The following WDPCP variants were observed in gnomAD, a reference collection of about 807,000 sequenced individuals.
WDPCP encodes WD repeat containing planar cell polarity effector.
In WDPCP, 71 loss-of-function variants were observed where a neutral mutation model predicts 93.1. The ratio of observed to expected loss-of-function variants is 0.76; its 90% CI spans 0.63 to 0.93. WDPCP has a LOEUF of 0.93. Ranked by LOEUF, WDPCP falls within the 40% of genes least tolerant of loss-of-function variation. The pLI, the probability that WDPCP is intolerant of heterozygous loss-of-function variation, is 0.00. For missense variants in WDPCP, 844 were observed against 887.4 expected (o/e 0.95, Z 0.62); for synonymous variants, 315 against 315.0 (o/e 1.00, Z 0.00).
chr2:63,619,193 C>T (rs183015715), intron 3 of WDPCP, among the ~76,000 whole-genome samples: 36 of 152,222 alleles, frequency 2.4e-4, no homozygotes, highest in Admixed American at 1.5e-3. Context: ...TTAGGGAGCA[C>T]GCAAAAATAG....
chr2:63,485,755 C>A (rs546014161), intron 4 of WDPCP, among the ~76,000 whole-genome samples: 2 of 151,734 alleles, frequency 1.3e-5, no homozygotes, highest in East Asian at 1.9e-4. Context: ...TCTTTGGATT[C>A]TCCTCATTAA....
At chr2:63,286,208 C>G (rs1683989404) in intron 13 of WDPCP, among the ~76,000 whole-genome samples, 1 of 152,138 alleles carries the variant, frequency 6.6e-6, no homozygotes, top group Non-Finnish European at 1.5e-5. Context: ...TCTGGATTGT[C>G]AGGCCTCTGA....
rs573544689 is a variant in WDPCP, at chr2:63,374,339, T to G, written c.1748+4047A>C. Among the ~76,000 whole-genome samples the G allele has an allele frequency of 9.1e-4, 139 of 152,266 alleles. 3 individuals are homozygous for G. The South Asian group carries it at 0.028, about 31-fold the overall frequency. The stretch of plus-strand genomic sequence containing the variant: ...AGCATCCTTATCATTTCAGCCTGTT[T>G]CCCTTACTTTACTGCCAGCTCAACC... On this transcript the variant is annotated intron_variant, in intron 12 of 17. Transcript: ENST00000272321.
At chr2:63,229,671 C>T (rs1678646009) in intron 14 of WDPCP, 1 of 151,776 alleles carries the variant, frequency 6.6e-6, no homozygotes. Context: ...GTTTTCCCAG[C>T]ACCATTTATT....
intron 13 of WDPCP, among the ~76,000 whole-genome samples, chr2:63,301,921 T>C (rs186533157): frequency 2.0e-5 from 3 of 152,306 alleles, no homozygotes; most frequent in African/African-American, 7.2e-5. Flanking sequence ...TCATTTTCTT[T>C]TGCACAAGGG....
At chr2:63,339,115 G>C (rs1020669161) in intron 12 of WDPCP, among the ~76,000 whole-genome samples, 3 of 151,808 alleles carry the variant, frequency 2.0e-5, no homozygotes, top group African/African-American at 7.3e-5. Context: ...TTGACTCCTA[G>C]GTACTTAATT....
At chr2:63,834,413 G>C in the WDPCP span, among the ~76,000 whole-genome samples, 3 of 152,080 alleles carry the variant, frequency 2.0e-5, no homozygotes, top group East Asian at 5.8e-4. Flanking sequence ...TCCTAGTACT[G>C]CTCTCTGCTC....
chr2:63,603,662 T>C (rs1250825651), intron 3 of WDPCP, among the ~76,000 whole-genome samples: 1 of 147,742 alleles, frequency 6.8e-6, no homozygotes, highest in Non-Finnish European at 1.5e-5. Flanking sequence ...TTTCTTTTTT[T>C]TTTTTTTTTT....
intron 14 of WDPCP, among the ~76,000 whole-genome samples, chr2:63,251,518 G>C (rs940364308): frequency 4.9e-5 from 6 of 121,578 alleles, no homozygotes; most frequent in Non-Finnish European, 6.5e-5. Flanking sequence ...TTGAGACAGA[G>C]TCTCGCTCTG....
intron 2 of WDPCP, among the ~76,000 whole-genome samples, chr2:63,784,393 A>G (rs1164942052): frequency 6.6e-6 from 1 of 152,166 alleles, no homozygotes; most frequent in Non-Finnish European, 1.5e-5. Context: ...AAAATAATGA[A>G]ACATGCCTGC....
intron 14 of WDPCP, among the ~76,000 whole-genome samples, chr2:63,258,901 T>TCTC (rs1681366358): frequency 6.6e-6 from 1 of 152,074 alleles, no homozygotes; most frequent in South Asian, 2.1e-4. Flanking sequence ...AAACCCAAAA[T>TCTC]CTCATATGAA....
In WDPCP at chr2:63,802,281, TAAAAAAAAAAAA is replaced by T. The variant is rs58717654; in HGVS notation, n.308+11329_308+11340del. 3.7e-3 allele frequency among the ~76,000 whole-genome samples: 199 copies of T among 54,336 alleles called. 1 individual carries two copies. In the East Asian group the frequency reaches 0.037, roughly 10 times the overall value. 35.6% of individuals were successfully genotyped at this position (54,336 alleles called of 152,430 possible). A position where few individuals can be genotyped will look rare whatever the true frequency, so the allele number is the denominator to read the frequency against. On this transcript the variant is annotated intron_variant and non_coding_transcript_variant, in intron 2 of 4. Transcript: ENST00000467687. ...GGCAACATTATGATACCCTCTCTCT[TAAAAAAAAAAAA>T]AAAAAAAAAAAAAAAAAAAAAAAAA...
At chr2:63,751,302 C>G (rs1669878205) in intron 2 of WDPCP, among the ~76,000 whole-genome samples, 1 of 151,756 alleles carries the variant, frequency 6.6e-6, no homozygotes, top group Non-Finnish European at 1.5e-5. Flanking sequence ...ATAGTGATAA[C>G]CTCTCTTTTA....
intron 9 of WDPCP, among the ~76,000 whole-genome samples, chr2:63,431,453 T>C (rs1278733704): frequency 6.6e-6 from 1 of 152,112 alleles, no homozygotes; most frequent in Non-Finnish European, 1.5e-5. Context: ...AAATTTCTTC[T>C]CTACAAGGCT....
intron 2 of WDPCP, among the ~76,000 whole-genome samples, chr2:63,491,708 G>A (rs1700889038): frequency 6.6e-6 from 1 of 152,096 alleles, no homozygotes; most frequent in African/African-American, 2.4e-5. Context: ...AGCATGAAAG[G>A]TATCTCACAA....
At chr2:63,311,225 A>G (rs1298305054) in intron 13 of WDPCP, among the ~76,000 whole-genome samples, 2 of 152,212 alleles carry the variant, frequency 1.3e-5, no homozygotes, top group Non-Finnish European at 2.9e-5. Context: ...AGATATCTCA[A>G]GGGTAGAAAA....
rs1669560301 is a variant in WDPCP, at chr2:63,121,753, A to G, written c.*253T>C. 3 of 907,046 alleles carry G rather than the reference A, an allele frequency of 3.3e-6. No homozygotes were observed. Among genetic ancestry groups the G allele is most frequent in the East Asian group, 3.4e-5 (1 of 29,770 alleles). 56.2% of individuals were successfully genotyped at this position (907,046 alleles called of 1,614,324 possible). A position where few individuals can be genotyped will look rare whatever the true frequency, so the allele number is the denominator to read the frequency against. On this transcript the variant is annotated 3_prime_UTR_variant, in exon 18 of 18. Coordinates refer to ENST00000272321, the MANE Select transcript of WDPCP (RefSeq NM_015910.7). ...GCACCTAATTAACATACAATTTAAGACACTTTCAAAATTTTACATTATTGA... is the reference window on the plus strand; with the variant it reads ...GCACCTAATTAACATACAATTTAAGGCACTTTCAAAATTTTACATTATTGA...
chr2:63,316,608 G>T (rs1166544859), intron 12 of WDPCP, among the ~76,000 whole-genome samples: 1 of 151,842 alleles, frequency 6.6e-6, no homozygotes, highest in African/African-American at 2.4e-5. Flanking sequence ...AGCTGAGATT[G>T]TGCCACTGCA....
At position 63,439,795 on chromosome 2, in the gene WDPCP, CT is replaced by C; in HGVS notation, c.460del (p.Ser154AlafsTer45). 6.2e-7 allele frequency: 1 copy of C among 1,613,284 alleles called. No homozygotes were observed. Among genetic ancestry groups the C allele is most frequent in the East Asian group, 2.2e-5 (1 of 44,874 alleles). ...GTCTGAGATGAGCTTCCCCACCAGG[CT>C]TCTGTCAATCACCACTTTCTCCAGC... ...PQLEKVVIDRSLVGKLISDTI... is the reference protein window; with the variant it reads ...PQLEKVVIDRXLVGKLISDTI... On this transcript the variant is annotated frameshift_variant, in exon 7 of 18. Transcript: ENST00000272321. LOFTEE classifies it high-confidence loss of function.
Sources: gnomAD v4.1 joint callset for allele counts (sites outside exome capture counted in the v4.1 genomes callset) on GRCh38, gnomAD v4.1.1 for gene constraint, MANE v1.5 for transcripts, NCBI Gene and HGNC (gene_info 2026-07-23, HGNC 2026-07-21) for gene names.